Variants in TYW1B observed in about 807,000 individuals in gnomAD.
The protein encoded by TYW1B is tRNA-yW synthesizing protein 1 homolog B.
A neutral mutation model predicts 86.9 loss-of-function variants in TYW1B; 73 were observed. The ratio of observed to expected loss-of-function variants is 0.84; its 90% CI spans 0.70 to 1.02. The LOEUF is 1.02. Among genes scored for constraint, TYW1B ranks in the 50% least tolerant of loss-of-function variants. TYW1B has a pLI of 0.00. For synonymous variants in TYW1B, 248 were observed against 292.8 expected, an observed-to-expected ratio of 0.85 and a Z score of 1.56; for missense variants, 637 against 827.4, an observed-to-expected ratio of 0.77 and a Z score of 2.82.
At chr7:72,616,594 G>A in intron 13 of TYW1B, 78 bp downstream of exon 13, 3 of 1,607,108 alleles carry the variant, frequency 1.9e-6, no homozygotes, top group Non-Finnish European at 2.6e-6. Context: ...AACAACGTAA[G>A]AGGAAAATAA....
intron 11 of TYW1B, among the ~76,000 whole-genome samples, chr7:72,669,769 C>T (rs1190339417): frequency 2.0e-5 from 3 of 150,780 alleles, no homozygotes; most frequent in South Asian, 2.1e-4. Flanking sequence ...GGCTCTGTCT[C>T]GGAAAAAAAA....
intron 6 of TYW1B, among the ~76,000 whole-genome samples, chr7:72,800,859 T>C (rs1433310212): frequency 2.6e-5 from 4 of 152,136 alleles, no homozygotes; most frequent in South Asian, 4.1e-4. Flanking sequence ...GAGGACCTAC[T>C]AGAATTTTTA....
chr7:72,616,679 T>C lies in TYW1B; in HGVS notation c.1778A>G (p.His593Arg). 6.2e-7 allele frequency: 1 copy of C among 1,614,128 alleles called. No individual in the cohort carries two copies. The highest frequency in any genetic ancestry group is 1.1e-5 in the South Asian group (1 of 91,082). ...HEHSNCLLIA[H>R]RKFKIGGEWW... is the part of the protein sequence containing the mutation. The stretch of plus-strand genomic sequence containing the variant: ...TGTTTGAGTTATTCTTACCTTTCTG[T>C]GTGCTATCAGGAGGCAATTAGAGTG... The change falls in exon 13 of 14, where the codon CAC becomes CGC. Residue 593 changes from histidine to arginine, a missense_variant. By Grantham distance (29) the His-to-Arg change is conservative. Transcript: ENST00000620995.
At chr7:72,707,296 T>C (rs1314257265) in intron 10 of TYW1B, among the ~76,000 whole-genome samples, 3 of 152,230 alleles carry the variant, frequency 2.0e-5, no homozygotes, top group African/African-American at 4.8e-5. Context: ...AAGTGCAGCA[T>C]AGCTGCTGGG....
At chr7:72,792,841 G>A (rs1350326637) in intron 6 of TYW1B, among the ~76,000 whole-genome samples, 2 of 152,172 alleles carry the variant, frequency 1.3e-5, no homozygotes, top group Non-Finnish European at 2.9e-5. Flanking sequence ...AAAGCAGTCT[G>A]TAGACCAGGA....
At chr7:72,656,199 C>T (rs1379809282) in intron 11 of TYW1B, among the ~76,000 whole-genome samples, 1 of 152,296 alleles carries the variant, frequency 6.6e-6, no homozygotes, top group African/African-American at 2.4e-5. Flanking sequence ...GGAACTCTCA[C>T]ACACCACTGA....
intron 11 of TYW1B, among the ~76,000 whole-genome samples, chr7:72,664,801 A>G (rs1203261426): frequency 5.9e-5 from 9 of 152,150 alleles, no homozygotes; most frequent in African/African-American, 2.2e-4. Flanking sequence ...TCACAGCAAT[A>G]TATGATCTAT....
At chr7:72,708,446 T>C (rs1814662932) in intron 10 of TYW1B, among the ~76,000 whole-genome samples, 1 of 152,198 alleles carries the variant, frequency 6.6e-6, no homozygotes, top group Admixed American at 6.6e-5. Context: ...CCCTTCTTGT[T>C]TCTCTCTTCT....
intron 11 of TYW1B, among the ~76,000 whole-genome samples, chr7:72,648,882 G>A (rs1390485986): frequency 1.4e-4 from 22 of 152,162 alleles, no homozygotes; most frequent in Admixed American, 1.4e-3. Context: ...AGCACTGGCA[G>A]CAGAATGTGA....
chr7:72,606,373 G>C (rs2129568173), intron 13 of TYW1B, among the ~76,000 whole-genome samples: 1 of 152,220 alleles, frequency 6.6e-6, no homozygotes, highest in South Asian at 2.1e-4. Flanking sequence ...CCTTCACCTG[G>C]TTATAACGAG....
At chr7:72,739,189 T>A (rs1554461611) in intron 8 of TYW1B, among the ~76,000 whole-genome samples, 1 of 152,144 alleles carries the variant, frequency 6.6e-6, no homozygotes, top group Admixed American at 6.6e-5. Context: ...TGGCAAGGAT[T>A]TGTATTAAAA....
chr7:72,792,927 A>G (rs182649210), intron 6 of TYW1B, among the ~76,000 whole-genome samples: 3 of 152,364 alleles, frequency 2.0e-5, no homozygotes, highest in Admixed American at 2.0e-4. Flanking sequence ...AGGCAATAAA[A>G]TACCTGCAAG....
chr7:72,813,459 G>T (rs186115984), intron 3 of TYW1B, among the ~76,000 whole-genome samples: 1 of 152,052 alleles, frequency 6.6e-6, no homozygotes, highest in African/African-American at 2.4e-5. Flanking sequence ...TACAGGCGTG[G>T]GCCACCACGC....
intron 11 of TYW1B, among the ~76,000 whole-genome samples, chr7:72,642,316 A>G (rs1812819470): frequency 6.6e-6 from 1 of 152,240 alleles, no homozygotes; most frequent in African/African-American, 2.4e-5. Context: ...CAAAAACATA[A>G]GCAACAGAAG....
rs56738372 is a variant in TYW1B, at chr7:72,678,619, CTTTTTT to C, written c.1506+16062_1506+16067del. ...GTGGCTCACACCTGTAATTCCAGCA[CTTTTTT>C]TTTTTTTTTTTTTTTTTGAGATGGA... is the stretch of plus-strand genomic sequence containing the variant. On this transcript the variant is annotated intron_variant, in intron 11 of 13. Transcript: ENST00000620995. Among the ~76,000 whole-genome samples, 10 of 110,430 alleles carry C rather than the reference CTTTTTT, an allele frequency of 9.1e-5. No individual in the cohort carries two copies. The South Asian group carries it at 2.0e-3, about 22-fold the overall frequency. 72.4% of individuals were successfully genotyped at this position (110,430 alleles called of 152,430 possible).
intron 13 of TYW1B, among the ~76,000 whole-genome samples, chr7:72,604,928 A>G (rs1420556240): frequency 6.6e-6 from 1 of 152,078 alleles, no homozygotes; most frequent in Non-Finnish European, 1.5e-5. Context: ...GCACCCTTCT[A>G]TTACGTTGGT....
At chr7:72,636,503 T>A (rs1812670983) in intron 11 of TYW1B, among the ~76,000 whole-genome samples, 2 of 152,228 alleles carry the variant, frequency 1.3e-5, no homozygotes. Flanking sequence ...GTGGGTATGC[T>A]TGTCTTATTC....
chr7:72,817,340 G>A (rs1457770952), intron 2 of TYW1B, among the ~76,000 whole-genome samples: 4 of 151,768 alleles, frequency 2.6e-5, no homozygotes, highest in South Asian at 2.1e-4. Context: ...CCCAGGAGGC[G>A]GAGGTTGCAG....
intron 5 of TYW1B, 100 bp from the exon 6 acceptor site, chr7:72,802,622 CTTTT>C (rs200906243): frequency 6.2e-6 from 7 of 1,128,810 alleles, no homozygotes; most frequent in Non-Finnish European, 8.3e-6. Flanking sequence ...TCTCTAAATT[CTTTT>C]TTTTTTTTCT....
Sources: gnomAD v4.1 joint callset for allele counts (sites outside exome capture counted in the v4.1 genomes callset) on GRCh38, gnomAD v4.1.1 for gene constraint, MANE v1.5 for transcripts, NCBI Gene and HGNC (gene_info 2026-07-23, HGNC 2026-07-21) for gene names.